Variants in RHCG observed in about 807,000 individuals in gnomAD.
RHCG encodes Rh family C glycoprotein.
Under a neutral mutation model 55.3 loss-of-function variants are expected in RHCG, and 39 were observed. The observed-to-expected ratio is 0.70, with a 90% confidence interval of 0.55 to 0.92. RHCG has a LOEUF of 0.92. Among genes scored for constraint, RHCG ranks in the 40% least tolerant of loss-of-function variants. The probability of loss-of-function intolerance (pLI) is 0.00; values close to 1 mark genes in which losing one functional copy is unlikely to be tolerated. For synonymous variants in RHCG, 250 were observed against 246.8 expected (o/e 1.01, Z -0.12); for missense variants, 635 against 627.9 (o/e 1.01, Z -0.12).
chr15:89,475,484 G>T (rs1433588525), intron 9 of RHCG, among the ~76,000 whole-genome samples: 1 of 152,178 alleles, frequency 6.6e-6, no homozygotes, highest in Non-Finnish European at 1.5e-5. Flanking sequence ...GACCTCAGGT[G>T]ATCTGCCCGC....
intron 2 of RHCG, 195 bp downstream of exon 2, chr15:89,486,604 G>GTA: frequency 6.2e-6 from 3 of 480,142 alleles, no homozygotes; most frequent in Non-Finnish European, 8.1e-6. Context: ...GAGAGAGTGT[G>GTA]TGTGTGTGTG....
intron 3 of RHCG, among the ~76,000 whole-genome samples, chr15:89,481,636 A>G (rs971293571): frequency 4.6e-5 from 7 of 152,156 alleles, no homozygotes; most frequent in African/African-American, 1.4e-4. Context: ...AGACAATAAG[A>G]TGGGGAGAGA....
chr15:89,486,642 G>GTGTGTGTGTGTGTGTC, intron 2 of RHCG, 157 bp downstream of exon 2: 1 of 537,738 alleles, frequency 1.9e-6, no homozygotes, highest in Non-Finnish European at 3.5e-6. Flanking sequence ...GTGTGTGTGT[G>GTGTGTGTGTGTGTGTC]TATCTGTCTC....
intron 9 of RHCG, among the ~76,000 whole-genome samples, chr15:89,473,683 G>A (rs567812758): frequency 6.6e-6 from 1 of 152,180 alleles, no homozygotes; most frequent in African/African-American, 2.4e-5. Flanking sequence ...GGTATTACAA[G>A]TAATCTACAG....
chr15:89,478,753 C>T (rs746063860), intron 5 of RHCG, among the ~76,000 whole-genome samples: 1 of 152,310 alleles, frequency 6.6e-6, no homozygotes, highest in Middle Eastern at 3.4e-3. Context: ...ATACTCCAGA[C>T]AGTGTCTCAG....
At chr15:89,480,479 CCACA>C in intron 3 of RHCG, 71 bp from the exon 4 acceptor site, 2 of 1,529,782 alleles carry the variant, frequency 1.3e-6, no homozygotes, top group East Asian at 2.3e-5. Flanking sequence ...CCCTGTCTTG[CCACA>C]CACACACACG....
At chr15:89,482,276 A>G (rs16943208) in intron 3 of RHCG, among the ~76,000 whole-genome samples, 16,648 of 152,206 alleles carry the variant, frequency 0.11, 2,749 homozygotes, top group African/African-American at 0.35. Context: ...CTGGCTGCTG[A>G]AGATGACTTT....
chr15:89,491,804 G>A (rs1567229291), intron 1 of RHCG, among the ~76,000 whole-genome samples: 1 of 151,962 alleles, frequency 6.6e-6, no homozygotes, highest in Non-Finnish European at 1.5e-5. Context: ...ATTTTTAATA[G>A]TGACGATTTG....
chr15:89,477,732 G>T lies in RHCG; in HGVS notation c.976-79C>A. 1 of 1,603,952 alleles carries T rather than the reference G, an allele frequency of 6.2e-7. No individual in the cohort carries two copies. The highest frequency in any genetic ancestry group is 8.5e-7 in the Non-Finnish European group (1 of 1,172,590). On this transcript the variant is annotated intron_variant, in intron 6 of 10. Transcript: ENST00000268122. The surrounding 1 kb of genome is among the most constrained non-coding windows in gnomAD (Gnocchi z 4.5). The stretch of plus-strand genomic sequence containing the variant: ...GGAGGCCGGGATTCCAGAGACCCAG[G>T]ATTCTCTAGCCCTCAGCCCCCTCCC...
At chr15:89,486,221 T>C in intron 2 of RHCG, 2 of 456,304 alleles carry the variant, frequency 4.4e-6, no homozygotes, top group Admixed American at 2.3e-5. Context: ...TTCCAGCACC[T>C]GTTCCCTGGG....
rs1309114614 is a variant in RHCG, at chr15:89,480,376, G to T, written c.555C>A (p.His185Gln). Residue 185 changes from histidine to glutamine, a missense_variant, in exon 4 of 11, where the codon CAC (histidine) becomes CAA (glutamine). Transcript: ENST00000268122. ...VKDAGGSMTI[H>Q]TFGAYFGLTV... is the part of the protein sequence containing the mutation. ...TGAGCCCAAAGTAGGCGCCAAATGT[G>T]TGGATGGTCATGGAGCCTCCTGCAT... is the stretch of plus-strand genomic sequence containing the variant. 1.9e-6 allele frequency: 3 copies of T among 1,614,186 alleles called. No homozygotes were observed. Among genetic ancestry groups the T allele is most frequent in the Non-Finnish European group, 8.5e-7 (1 of 1,180,032 alleles).
intron 1 of RHCG, among the ~76,000 whole-genome samples, chr15:89,489,824 C>G (rs923626144): frequency 6.6e-6 from 1 of 152,176 alleles, no homozygotes; most frequent in African/African-American, 2.4e-5. Context: ...ACCCTGTTTT[C>G]TTTCCTAGGT....
At chr15:89,483,590 C>T (rs1456679338) in intron 2 of RHCG, among the ~76,000 whole-genome samples, 1 of 152,200 alleles carries the variant, frequency 6.6e-6, no homozygotes. Context: ...CCTCCTTTTA[C>T]TGCCTCCTCT....
intron 10 of RHCG, 110 bp from the exon 11 acceptor site, chr15:89,471,965 C>A (rs80196374): frequency 0.01 from 1,534 of 152,366 alleles, 30 homozygotes; most frequent in African/African-American, 0.035. Flanking sequence ...CTGGGCATAG[C>A]CTCACCTTCC....
rs770012709 is a variant in RHCG at position 89,477,858 on chromosome 15, G to A, written c.954C>T (p.Thr318=). 3.7e-6 allele frequency: 6 copies of A among 1,614,054 alleles called. No individual in the cohort carries two copies. Among genetic ancestry groups the A allele is most frequent in the African/African-American group, 1.3e-5 (1 of 75,028 alleles). Residue 318 remains threonine, a synonymous_variant, in exon 6 of 11, where the codon ACC becomes ACT. Transcript: ENST00000268122. This position sits in a 1 kb window ranked among gnomAD's most constrained non-coding sequence, Gnocchi z 4.5. ...IIGFVCGIIS[T]LGFVYLTPFL... Reference sequence around the variant, plus strand: ...TTACGGTCAGGTATACAAAACCCAGGGTGGAGATGATGCCGCAGACGAAGC... The same window carrying A: ...TTACGGTCAGGTATACAAAACCCAGAGTGGAGATGATGCCGCAGACGAAGC...
Position 89,477,335 on chromosome 15 carries a change from A to G in RHCG, c.1113-129T>C. Reference sequence around the variant, plus strand: ...CACCCACAACATGGGGACACCGGACATATCAGTTGGCCTCTAAAACTCTAA... The same window carrying G: ...CACCCACAACATGGGGACACCGGACGTATCAGTTGGCCTCTAAAACTCTAA... On this transcript the variant is annotated intron_variant, in intron 7 of 10. Transcript: ENST00000268122. This position sits in a 1 kb window ranked among gnomAD's most constrained non-coding sequence, Gnocchi z 4.5. 1 of 1,423,470 alleles carries G rather than the reference A, an allele frequency of 7.0e-7. No homozygotes were observed. The highest frequency in any genetic ancestry group is 1.9e-5 in the Admixed American group (1 of 52,840). 88.2% of individuals were successfully genotyped at this position (1,423,470 alleles called of 1,614,324 possible). A position where few individuals can be genotyped will look rare whatever the true frequency, so the allele number is the denominator to read the frequency against.
At chr15:89,475,873 A>G (rs988228705) in intron 9 of RHCG, among the ~76,000 whole-genome samples, 2 of 152,176 alleles carry the variant, frequency 1.3e-5, no homozygotes, top group African/African-American at 4.8e-5. Context: ...CTGCTCAAAT[A>G]CAGTGGTGCT....
chr15:89,486,313 G>A (rs1567227605), intron 2 of RHCG: 1 of 456,694 alleles, frequency 2.2e-6, no homozygotes. Flanking sequence ...CCTTCACAAG[G>A]AGCCTCTGAG....
At chr15:89,479,213 T>C (rs1961216658) in intron 5 of RHCG, 109 bp downstream of exon 5, 1 of 1,158,104 alleles carries the variant, frequency 8.6e-7, no homozygotes, top group Non-Finnish European at 1.2e-6. Context: ...CCCAACCTCA[T>C]CTGCAAGATG....
Sources: allele counts gnomAD v4.1 joint callset (sites outside exome capture counted in the v4.1 genomes callset), GRCh38; gene constraint gnomAD v4.1.1; non-coding constraint Gnocchi (gnomAD v3.1); transcripts MANE v1.5; gene names NCBI Gene and HGNC (gene_info 2026-07-23, HGNC 2026-07-21).